ARHGEF18: variants seen among roughly 807,000 people sequenced by gnomAD.
ARHGEF18 encodes rho guanine nucleotide exchange factor 18.
Under a neutral mutation model 155.7 loss-of-function variants are expected in ARHGEF18, and 93 were observed. The ratio of observed to expected loss-of-function variants is 0.60; its 90% CI spans 0.50 to 0.71. The LOEUF is 0.71. Ranked by LOEUF, ARHGEF18 falls within the 30% of genes least tolerant of loss-of-function variation. The pLI is 0.00. For missense variants in ARHGEF18, 1,593 were observed against 1,816.1 expected (o/e 0.88, Z 2.23); for synonymous variants, 742 against 753.1 (o/e 0.99, Z 0.24).
intron 10 of ARHGEF18, among the ~76,000 whole-genome samples, chr19:7,431,551 C>T (rs1000500401): frequency 1.4e-4 from 20 of 147,886 alleles, no homozygotes; most frequent in African/African-American, 4.7e-4. Context: ...CTCAGTGGCT[C>T]ACGCCTTTAA....
At chr19:7,476,179 T>TAAA (rs1272307927), downstream of ARHGEF18, among the ~76,000 whole-genome samples, 1 of 152,222 alleles carries the variant, frequency 6.6e-6, no homozygotes, top group African/African-American at 2.4e-5. Context: ...GATTTGGTGA[T>TAAA]AAACACCTGT....
rs71177202 is a variant in ARHGEF18, at chr19:7,367,894, T to TA, written c.16-4918_16-4917insA. ...TTTATATATATATATTTTATATATA[T>TA]TTTTTATATATATATATTTTATATA... is the stretch of plus-strand genomic sequence containing the variant. On this transcript the variant is annotated intron_variant, in intron 2 of 28. Transcript: ENST00000668164. Among the ~76,000 whole-genome samples the TA allele has an allele frequency of 2.2e-3, 171 of 76,668 alleles. 19 individuals are homozygous for TA. The highest frequency in any genetic ancestry group is 2.7e-3 in the Non-Finnish European group (121 of 44,862). 50.3% of individuals were successfully genotyped at this position (76,668 alleles called of 152,430 possible). A position where few individuals can be genotyped will look rare whatever the true frequency, so the allele number is the denominator to read the frequency against.
intron 10 of ARHGEF18, among the ~76,000 whole-genome samples, chr19:7,383,667 G>C (rs974507422): frequency 6.6e-6 from 1 of 152,024 alleles, no homozygotes; most frequent in Non-Finnish European, 1.5e-5. Flanking sequence ...CTGTGTCCCA[G>C]TTTCCCCTTT....
At chr19:7,437,269 A>C (rs1304243253) in intron 10 of ARHGEF18, among the ~76,000 whole-genome samples, 2 of 152,080 alleles carry the variant, frequency 1.3e-5, no homozygotes, top group Non-Finnish European at 2.9e-5. Flanking sequence ...TCTCTACTAA[A>C]AATACAAAAT....
rs1407154247 is a variant in ARHGEF18 at position 7,367,870 on chromosome 19, T to TA, written c.16-4942_16-4941insA. Among the ~76,000 whole-genome samples, 41 of 59,860 alleles carry TA rather than the reference T, an allele frequency of 6.8e-4. 7 individuals carry two copies. Among genetic ancestry groups the TA allele is most frequent in the Middle Eastern group, 9.8e-3 (1 of 102 alleles). 39.3% of individuals were successfully genotyped at this position (59,860 alleles called of 152,430 possible). On this transcript the variant is annotated intron_variant, in intron 2 of 28. Transcript: ENST00000668164. ...TATATATATATACACATATATATTTTTATATATATATATTTTATATATATT... is the reference window on the plus strand; with the variant it reads ...TATATATATATACACATATATATTTTATATATATATATATTTTATATATATT...
At chr19:7,367,638 C>G (rs892419910) in intron 2 of ARHGEF18, among the ~76,000 whole-genome samples, 2 of 149,282 alleles carry the variant, frequency 1.3e-5, no homozygotes, top group African/African-American at 2.5e-5. Context: ...CCCAGCTACT[C>G]GGGAGACTGA....
At chr19:7,468,709 C>G (rs571924081) in intron 26 of ARHGEF18, 116 bp from the exon 27 acceptor site, 2 of 1,179,250 alleles carry the variant, frequency 1.7e-6, no homozygotes, top group South Asian at 1.6e-5. Flanking sequence ...CAGGCTGCAC[C>G]TGGCTCTGTC....
chr19:7,446,656 G>A (rs1329701694), intron 14 of ARHGEF18, among the ~76,000 whole-genome samples: 3 of 151,638 alleles, frequency 2.0e-5, no homozygotes, highest in African/African-American at 4.8e-5. Flanking sequence ...CAGGAGAATC[G>A]CTTGACCCCG....
chr19:7,407,738 G>A (rs935057731), intron 10 of ARHGEF18, among the ~76,000 whole-genome samples: 8 of 151,918 alleles, frequency 5.3e-5, no homozygotes, highest in Admixed American at 1.3e-4. Flanking sequence ...CGAGACGGGC[G>A]GATCACGAGG....
chr19:7,475,215 G>C (rs1977201077), downstream of ARHGEF18, among the ~76,000 whole-genome samples: 1 of 152,184 alleles, frequency 6.6e-6, no homozygotes, highest in South Asian at 2.1e-4. Context: ...CTAGGCGACA[G>C]AGTGACTCTG....
In ARHGEF18 at chr19:7,463,808, C is replaced by A; in HGVS notation, c.2636-10C>A. 1 of 1,602,924 alleles carries A rather than the reference C, an allele frequency of 6.2e-7. No individual in the cohort carries two copies. The highest frequency in any genetic ancestry group is 1.1e-5 in the South Asian group (1 of 89,516). ...GGCGACCCGTGCCTCCTGTCCCCTT[C>A]CTTCCACAGTCGAGGGCATCCAGAG... On this transcript the variant is annotated splice_polypyrimidine_tract_variant and intron_variant, in intron 21 of 28. Transcript: ENST00000668164. The surrounding 1 kb of genome is among the most constrained non-coding windows in gnomAD (Gnocchi z 5.2).
intron 1 of ARHGEF18, among the ~76,000 whole-genome samples, chr19:7,359,326 C>T (rs569049108): frequency 6.6e-6 from 1 of 152,182 alleles, no homozygotes; most frequent in South Asian, 2.1e-4. Context: ...GATTGGCAAT[C>T]GTTTGGGGCA....
chr19:7,404,893 A>G (rs1379526194), intron 10 of ARHGEF18, among the ~76,000 whole-genome samples: 1 of 152,146 alleles, frequency 6.6e-6, no homozygotes, highest in Non-Finnish European at 1.5e-5. Flanking sequence ...CACACGTACA[A>G]TAATAGGATG....
intron 1 of ARHGEF18, among the ~76,000 whole-genome samples, chr19:7,361,395 G>A (rs1458088096): frequency 6.6e-5 from 10 of 152,194 alleles, no homozygotes; most frequent in East Asian, 1.9e-4. Context: ...CCAAGATGGC[G>A]CCACTGCACT....
Position 7,373,022 on chromosome 19 carries a change from AG to A in ARHGEF18, c.228del (p.Arg76SerfsTer40). On this transcript the variant is annotated frameshift_variant, in exon 3 of 29. Transcript: ENST00000668164. LOFTEE classifies it high-confidence loss of function. ...SSLAGSQDLS[R>X]RRSWERSRSC... The stretch of plus-strand genomic sequence containing the variant: ...CTTGGCAGGGTCCCAAGACCTGTCA[AG>A]GCGGCGCAGCTGGGAAAGGTCGCGG... The A allele has an allele frequency of 8.1e-7, 1 of 1,234,440 alleles. No individual in the cohort carries two copies. Among genetic ancestry groups the A allele is most frequent in the Non-Finnish European group, 1.0e-6 (1 of 988,188 alleles). 76.5% of individuals were successfully genotyped at this position (1,234,440 alleles called of 1,614,324 possible).
intron 5 of ARHGEF18, among the ~76,000 whole-genome samples, chr19:7,377,318 G>A (rs779851165): frequency 3.3e-5 from 5 of 151,914 alleles, no homozygotes; most frequent in South Asian, 2.1e-4. Context: ...TGATCGGCCC[G>A]CCTCAACCTC....
At chr19:7,385,248 C>G (rs986820250) in intron 10 of ARHGEF18, among the ~76,000 whole-genome samples, 2 of 152,174 alleles carry the variant, frequency 1.3e-5, no homozygotes, top group Non-Finnish European at 2.9e-5. Flanking sequence ...CCTTGAACAG[C>G]TCCAGGCTGA....
intron 10 of ARHGEF18, among the ~76,000 whole-genome samples, chr19:7,392,066 C>A (rs1256336044): frequency 6.6e-6 from 1 of 151,578 alleles, no homozygotes; most frequent in African/African-American, 2.4e-5. Flanking sequence ...CATGGTAAAA[C>A]CCCATCTCTA....
At chr19:7,402,147 G>A (rs1327683599) in intron 10 of ARHGEF18, among the ~76,000 whole-genome samples, 25 of 152,224 alleles carry the variant, frequency 1.6e-4, no homozygotes, top group Admixed American at 1.2e-3. Flanking sequence ...TAGGCTGGGC[G>A]CAGTGGCTCA....
Sources: allele counts gnomAD v4.1 joint callset (sites outside exome capture counted in the v4.1 genomes callset), GRCh38; gene constraint gnomAD v4.1.1; non-coding constraint Gnocchi (gnomAD v3.1); transcripts MANE v1.5; gene names NCBI Gene and HGNC (gene_info 2026-07-23, HGNC 2026-07-21).